The following ARHGEF3 variants were observed in gnomAD, a reference collection of about 807,000 sequenced individuals.
ARHGEF3 encodes the protein 59.8 kDA protein.
In ARHGEF3, 28 loss-of-function variants were observed where a neutral mutation model predicts 63.2. That is an observed-to-expected ratio of 0.44 (90% CI 0.33 to 0.61). The LOEUF (loss-of-function observed/expected upper bound fraction) is 0.61. ARHGEF3 is among the 20% of genes least tolerant of loss of function. The probability of loss-of-function intolerance (pLI) is 0.03; values close to 1 mark genes in which losing one functional copy is unlikely to be tolerated. For missense variants in ARHGEF3, 533 were observed against 659.3 expected, an observed-to-expected ratio of 0.81 and a Z score of 2.10; for synonymous variants, 266 against 254.2, an observed-to-expected ratio of 1.05 and a Z score of -0.44.
chr3:57,010,577 C>CGCAT (rs1223353175), intron 2 of ARHGEF3, among the ~76,000 whole-genome samples: 7 of 151,738 alleles, frequency 4.6e-5, no homozygotes. Context: ...ACATACAAAA[C>CGCAT]TATGCATGGT....
At chr3:56,895,028 C>G (rs2041251438) in intron 3 of ARHGEF3, among the ~76,000 whole-genome samples, 1 of 152,194 alleles carries the variant, frequency 6.6e-6, no homozygotes, top group Admixed American at 6.5e-5. Flanking sequence ...GACAGTGTCA[C>G]TAAAGAAGGC....
intron 7 of ARHGEF3, 100 bp from the exon 8 acceptor site, chr3:56,737,455 G>A: frequency 2.4e-5 from 21 of 859,070 alleles, no homozygotes; most frequent in East Asian, 5.4e-5. Flanking sequence ...GACACACCTG[G>A]ATCTAACTCT....
Position 56,796,234 on chromosome 3 carries a change from T to C in ARHGEF3, c.96+5469A>G, listed in dbSNP as rs2037357833. Among the ~76,000 whole-genome samples the C allele has an allele frequency of 2.6e-5, 4 of 152,230 alleles. No individual in the cohort carries two copies. The South Asian group carries it at 6.2e-4, about 24-fold the overall frequency. On this transcript the variant is annotated intron_variant, in intron 1 of 9. Transcript: ENST00000296315. ...AAATTAGGTTGTGATCAGTAATTTA[T>C]TTTCTTTCAGTAGTTATGAAAACGG...
chr3:56,923,128 T>C (rs1490364707), intron 3 of ARHGEF3, among the ~76,000 whole-genome samples: 1 of 143,576 alleles, frequency 7.0e-6, no homozygotes, highest in African/African-American at 2.6e-5. Context: ...CTCGGGAAGC[T>C]GGGACAGGAG....
intron 4 of ARHGEF3, among the ~76,000 whole-genome samples, chr3:56,867,951 A>G (rs1332825007): frequency 6.6e-6 from 1 of 152,190 alleles, no homozygotes; most frequent in Non-Finnish European, 1.5e-5. Flanking sequence ...TTATCAAACC[A>G]TCACACTCTT....
At chr3:56,896,494 C>T (rs948797098) in intron 3 of ARHGEF3, among the ~76,000 whole-genome samples, 4 of 152,154 alleles carry the variant, frequency 2.6e-5, no homozygotes, top group Non-Finnish European at 4.4e-5. Flanking sequence ...TAAAAAGGTG[C>T]CAACTATTCC....
Position 57,013,161 on chromosome 3 carries a change from G to C in ARHGEF3, c.62+21927C>G, listed in dbSNP as rs183620723. 4.4e-3 allele frequency among the ~76,000 whole-genome samples: 667 copies of C among 152,340 alleles called. 6 individuals carry two copies. Among genetic ancestry groups the C allele is most frequent in the African/African-American group, 0.015 (638 of 41,584 alleles). ...GCCTGAGCCCCCCGCCCTGGCGGTG[G>C]GCTCCTGTGTCGCCAGAGCCTCCCA... On this transcript the variant is annotated intron_variant, in intron 2 of 12. Coordinates refer to the ARHGEF3 transcript ENST00000338458.
intron 2 of ARHGEF3, among the ~76,000 whole-genome samples, chr3:57,015,373 C>T (rs1162761984): frequency 6.6e-6 from 1 of 152,216 alleles, no homozygotes; most frequent in Admixed American, 6.5e-5. Flanking sequence ...TTAGGGGCCC[C>T]TCACTTCACA....
At chr3:56,891,646 T>C (rs1251761902) in intron 3 of ARHGEF3, among the ~76,000 whole-genome samples, 2 of 152,218 alleles carry the variant, frequency 1.3e-5, no homozygotes, top group African/African-American at 4.8e-5. Flanking sequence ...TTTACCTCTC[T>C]GCACCTTAGT....
At chr3:56,751,185 G>A in intron 5 of ARHGEF3, 53 bp from the exon 6 acceptor site, 1 of 1,585,724 alleles carries the variant, frequency 6.3e-7, no homozygotes, top group South Asian at 1.1e-5. Flanking sequence ...TATGAACAGG[G>A]CTGGAAGTAG....
intron 1 of ARHGEF3, among the ~76,000 whole-genome samples, chr3:56,777,412 A>G (rs1381923106): frequency 6.6e-6 from 1 of 152,274 alleles, no homozygotes. Context: ...GTGTTTAATT[A>G]TGAACAAAGG....
chr3:56,803,750 T>C (rs1370913817), upstream of ARHGEF3, among the ~76,000 whole-genome samples: 1 of 151,958 alleles, frequency 6.6e-6, no homozygotes, highest in Non-Finnish European at 1.5e-5. Flanking sequence ...TGTGGTGAGC[T>C]ATGGTTGCAC....
At chr3:56,768,667 C>CAAAAAAAAAAAAA (rs770390697) in intron 2 of ARHGEF3, among the ~76,000 whole-genome samples, 1 of 44,052 alleles carries the variant, frequency 2.3e-5, no homozygotes. Flanking sequence ...AAGCAAAATG[C>CAAAAAAAAAAAAA]AAAAAAAAAA....
chr3:56,880,784 T>G (rs1048795803), intron 4 of ARHGEF3, among the ~76,000 whole-genome samples: 1 of 152,224 alleles, frequency 6.6e-6, no homozygotes, highest in South Asian at 2.1e-4. Context: ...AGAAATTCCA[T>G]AGACTTCACT....
chr3:57,062,577 G>A (rs955232028), intron 1 of ARHGEF3, among the ~76,000 whole-genome samples: 1 of 152,172 alleles, frequency 6.6e-6, no homozygotes, highest in Non-Finnish European at 1.5e-5. Flanking sequence ...CTGCCCAGTA[G>A]TACTGAACAA....
intron 3 of ARHGEF3, among the ~76,000 whole-genome samples, chr3:56,902,346 A>C (rs1412803350): frequency 6.6e-6 from 1 of 152,170 alleles, no homozygotes; most frequent in Non-Finnish European, 1.5e-5. Flanking sequence ...GTGTGGATAG[A>C]TGGATGGAGA....
chr3:57,017,012 T>TCC (rs2107142359), intron 2 of ARHGEF3, among the ~76,000 whole-genome samples: 1 of 96,056 alleles, frequency 1.0e-5, no homozygotes, highest in Non-Finnish European at 2.3e-5. Flanking sequence ...TCTGTCTCTC[T>TCC]CTCTCTCTCT....
At chr3:56,904,807 C>A (rs934231947) in intron 3 of ARHGEF3, among the ~76,000 whole-genome samples, 7 of 152,300 alleles carry the variant, frequency 4.6e-5, no homozygotes, top group Admixed American at 3.9e-4. Flanking sequence ...TTTCAGGCCA[C>A]TCACCACTCC....
At chr3:56,892,661 C>T (rs1421977306) in intron 3 of ARHGEF3, among the ~76,000 whole-genome samples, 6 of 152,200 alleles carry the variant, frequency 3.9e-5, no homozygotes, top group Non-Finnish European at 7.3e-5. Flanking sequence ...TGTAAACAAT[C>T]AGCTTAGATT....
Sources: allele counts gnomAD v4.1 joint callset (sites outside exome capture counted in the v4.1 genomes callset), GRCh38; gene constraint gnomAD v4.1.1; transcripts MANE v1.5; gene names NCBI Gene and HGNC (gene_info 2026-07-23, HGNC 2026-07-21).